The following COL19A1 variants were observed in gnomAD, a reference collection of about 807,000 sequenced individuals.
COL19A1 encodes the protein collagen alpha-1(XIX) chain.
In COL19A1, 159 loss-of-function variants were observed where a neutral mutation model predicts 190.2. That is an observed-to-expected ratio of 0.84 (90% CI 0.73 to 0.95). COL19A1 has a LOEUF of 0.95. Ranked by LOEUF, COL19A1 falls within the 40% of genes least tolerant of loss-of-function variation. The pLI is 0.00. For synonymous variants in COL19A1, 509 were observed against 458.9 expected (o/e 1.11, Z -1.39); for missense variants, 1,418 against 1,431.9 (o/e 0.99, Z 0.16).
In COL19A1 at chr6:69,912,313, A is replaced by C. The variant is rs532919048; in HGVS notation, c.266+11975A>C. ...ATCTAAATGTTCTCAGGCCTCGTTA[A>C]TATGTGGATTTAAATGATATTATAT... On this transcript the variant is annotated intron_variant, in intron 4 of 50. Coordinates refer to ENST00000620364, the MANE Select transcript of COL19A1 (RefSeq NM_001858.6). 3.3e-5 allele frequency among the ~76,000 whole-genome samples: 5 copies of C among 152,180 alleles called. No homozygotes were observed. In the East Asian group the frequency reaches 9.7e-4, roughly 29 times the overall value.
intron 20 of COL19A1, 36 bp from the exon 21 acceptor site, chr6:70,141,857 T>G (rs1373757673): frequency 7.3e-7 from 1 of 1,376,106 alleles, no homozygotes; most frequent in Admixed American, 1.7e-5. Flanking sequence ...CATCTGAATT[T>G]AAGCATTACC....
chr6:69,876,904 C>A (rs1768163496), intron 1 of COL19A1, among the ~76,000 whole-genome samples: 2 of 152,082 alleles, frequency 1.3e-5, no homozygotes, highest in African/African-American at 4.8e-5. Flanking sequence ...GGCTTAAAAC[C>A]AGCTGTTTGA....
chr6:70,165,699 G>T (rs184608438), intron 36 of COL19A1, among the ~76,000 whole-genome samples: 2 of 152,110 alleles, frequency 1.3e-5, no homozygotes, highest in African/African-American at 4.8e-5. Context: ...AATAAGCTTC[G>T]TTTCTAGAGC....
intron 16 of COL19A1, among the ~76,000 whole-genome samples, chr6:70,116,969 A>G (rs1040848467): frequency 2.9e-4 from 44 of 152,222 alleles, no homozygotes; most frequent in African/African-American, 1.0e-3. Flanking sequence ...TTGAAGAGCT[A>G]TGGTGCATAA....
intron 31 of COL19A1, among the ~76,000 whole-genome samples, chr6:70,152,620 A>G (rs1399522693): frequency 1.3e-5 from 2 of 152,114 alleles, no homozygotes; most frequent in African/African-American, 4.8e-5. Context: ...AATTTCCTTA[A>G]TAATCTTATG....
chr6:70,157,604 T>C (rs964638875), intron 34 of COL19A1, among the ~76,000 whole-genome samples: 6 of 152,134 alleles, frequency 3.9e-5, no homozygotes, highest in Non-Finnish European at 7.4e-5. Context: ...ATATTGCTTG[T>C]AATCTAGAAA....
intron 12 of COL19A1, among the ~76,000 whole-genome samples, chr6:70,032,444 A>C (rs1779126309): frequency 6.6e-6 from 1 of 152,174 alleles, no homozygotes; most frequent in African/African-American, 2.4e-5. Context: ...CGTACTAATC[A>C]ATAGAAATAT....
chr6:69,913,917 A>C (rs1771123046), intron 4 of COL19A1, among the ~76,000 whole-genome samples: 1 of 151,976 alleles, frequency 6.6e-6, no homozygotes, highest in South Asian at 2.1e-4. Context: ...TTCAGAATTT[A>C]GAGGACCTTT....
At chr6:70,165,849 A>G in intron 36 of COL19A1, 92 bp from the exon 37 acceptor site, 1 of 1,177,846 alleles carries the variant, frequency 8.5e-7, no homozygotes, top group Non-Finnish European at 1.3e-6. Context: ...TATCGATTTC[A>G]GAAGATGGCT....
chr6:70,147,751 G>C (rs888640735), intron 27 of COL19A1, among the ~76,000 whole-genome samples: 7 of 152,034 alleles, frequency 4.6e-5, no homozygotes, highest in African/African-American at 1.7e-4. Context: ...TTAAGAGTCA[G>C]ATCCCACAGG....
chr6:70,021,324 T>C (rs1250421773), intron 11 of COL19A1, among the ~76,000 whole-genome samples: 1 of 152,032 alleles, frequency 6.6e-6, no homozygotes, highest in Non-Finnish European at 1.5e-5. Flanking sequence ...TTAGTTTTAT[T>C]ACCACTGTCA....
intron 11 of COL19A1, among the ~76,000 whole-genome samples, chr6:70,000,859 G>A (rs1176698689): frequency 6.6e-6 from 1 of 152,122 alleles, no homozygotes; most frequent in Non-Finnish European, 1.5e-5. Context: ...CTGTGCAGAA[G>A]CTCTTTAGTA....
intron 13 of COL19A1, among the ~76,000 whole-genome samples, chr6:70,034,754 T>A (rs1447149793): frequency 6.6e-6 from 1 of 152,226 alleles, no homozygotes; most frequent in African/African-American, 2.4e-5. Context: ...GGCAATGATC[T>A]TGAAAAGGAA....
intron 15 of COL19A1, among the ~76,000 whole-genome samples, chr6:70,089,475 A>G (rs1782776818): frequency 6.6e-6 from 1 of 152,308 alleles, no homozygotes; most frequent in African/African-American, 2.4e-5. Context: ...GAGACAATAA[A>G]CTACATTTGC....
intron 10 of COL19A1, among the ~76,000 whole-genome samples, chr6:69,961,838 A>G (rs985940117): frequency 2.6e-5 from 4 of 152,172 alleles, no homozygotes; most frequent in African/African-American, 9.6e-5. Flanking sequence ...CACAAACTAA[A>G]TATGTATGTA....
chr6:70,100,193 A>G (rs972132035), intron 15 of COL19A1, among the ~76,000 whole-genome samples: 1 of 152,212 alleles, frequency 6.6e-6, no homozygotes, highest in South Asian at 2.1e-4. Context: ...GGAAAGAACC[A>G]ATCACTTACC....
At chr6:69,888,033 A>T (rs908959775) in intron 2 of COL19A1, among the ~76,000 whole-genome samples, 3 of 152,158 alleles carry the variant, frequency 2.0e-5, no homozygotes, top group African/African-American at 7.2e-5. Context: ...AAGGATGAAG[A>T]CCAATCTTAA....
intron 14 of COL19A1, among the ~76,000 whole-genome samples, chr6:70,055,264 G>T (rs1582793411): frequency 6.6e-6 from 1 of 152,050 alleles, no homozygotes; most frequent in South Asian, 2.1e-4. Context: ...ATACATTTTA[G>T]GGCAAGTAGG....
chr6:69,908,267 C>T (rs1186507864), intron 4 of COL19A1, among the ~76,000 whole-genome samples: 2 of 152,192 alleles, frequency 1.3e-5, no homozygotes, highest in Non-Finnish European at 2.9e-5. Context: ...GATTACTTTA[C>T]AATTCCATTA....
Sources: gnomAD v4.1 joint callset for allele counts (sites outside exome capture counted in the v4.1 genomes callset) on GRCh38, gnomAD v4.1.1 for gene constraint, MANE v1.5 for transcripts, NCBI Gene and HGNC (gene_info 2026-07-23, HGNC 2026-07-21) for gene names.